The following ASTN2 variants were observed in gnomAD, a reference collection of about 807,000 sequenced individuals.
ASTN2 encodes astrotactin 2, also known as astrotactin-2.
ASTN2 carries 54 observed loss-of-function variants against 139.8 expected under a neutral mutation model. The observed-to-expected ratio is 0.39, with a 90% CI of 0.31 to 0.48. The LOEUF (loss-of-function observed/expected upper bound fraction) is 0.48, where lower values mean the gene tolerates loss of function less well. ASTN2 is among the 20% of genes least tolerant of loss of function. The probability of loss-of-function intolerance (pLI) is 0.95; values close to 1 mark genes in which losing one functional copy is unlikely to be tolerated. For synonymous variants in ASTN2, 756 were observed against 719.5 expected (o/e 1.05, Z -0.81); for missense variants, 1,565 against 1,725.1 (o/e 0.91, Z 1.64).
At chr9:116,832,564 T>C (rs546192835) in intron 11 of ASTN2, among the ~76,000 whole-genome samples, 49 of 152,178 alleles carry the variant, frequency 3.2e-4, no homozygotes, top group Non-Finnish European at 4.7e-4. Flanking sequence ...GTTTTAAAAA[T>C]CATTTTCGGT....
At chr9:116,609,326 C>CTA (rs549657082) in intron 19 of ASTN2, among the ~76,000 whole-genome samples, 2,135 of 113,520 alleles carry the variant, frequency 0.019, 41 homozygotes, top group African/African-American at 0.038. Flanking sequence ...CTCTCTCTCT[C>CTA]TCTATATATA....
Position 117,255,647 on chromosome 9 carries a change from T to A in ASTN2, c.630+35679A>T, listed in dbSNP as rs763709172. ...CCCCATCCCTCAAGAAACAGAATGG[T>A]GTGAGAAAAGTACAGAAAGAAGATT... On this transcript the variant is annotated intron_variant, in intron 2 of 22. Transcript: ENST00000313400. 9.0e-4 allele frequency among the ~76,000 whole-genome samples: 137 copies of A among 152,016 alleles called. 1 individual carries two copies. The highest frequency in any genetic ancestry group is 1.6e-3 in the Non-Finnish European group (107 of 68,004).
At chr9:116,456,090 G>A (rs908937201) in intron 20 of ASTN2, among the ~76,000 whole-genome samples, 3 of 152,038 alleles carry the variant, frequency 2.0e-5, no homozygotes, top group African/African-American at 7.2e-5. Context: ...CTTATTTGCA[G>A]ATGATATGAT....
intron 10 of ASTN2, among the ~76,000 whole-genome samples, chr9:116,884,803 G>GCCCTCCCCCC (rs1554756734): frequency 1.4e-4 from 10 of 69,640 alleles, no homozygotes; most frequent in Non-Finnish European, 2.1e-4. Flanking sequence ...CCAAATATCC[G>GCCCTCCCCCC]CCCCCCCCCC....
intron 1 of ASTN2, among the ~76,000 whole-genome samples, chr9:117,345,211 T>A (rs2130870775): frequency 6.6e-6 from 1 of 152,290 alleles, no homozygotes; most frequent in East Asian, 1.9e-4. Flanking sequence ...TGTTTTATTA[T>A]TTTACATTCA....
At chr9:117,070,039 T>A (rs1828070432) in intron 5 of ASTN2, among the ~76,000 whole-genome samples, 2 of 150,770 alleles carry the variant, frequency 1.3e-5, no homozygotes, top group Non-Finnish European at 2.9e-5. Flanking sequence ...TGTGTGAGTT[T>A]GATCCTGTCA....
At chr9:116,714,057 C>A (rs1828244725) in intron 16 of ASTN2, among the ~76,000 whole-genome samples, 1 of 152,226 alleles carries the variant, frequency 6.6e-6, no homozygotes, top group South Asian at 2.1e-4. Context: ...ATAATAGGAA[C>A]TCAACACATG....
chr9:116,432,355 A>C (rs1340791858), intron 22 of ASTN2, among the ~76,000 whole-genome samples: 2 of 152,176 alleles, frequency 1.3e-5, no homozygotes, highest in Admixed American at 6.5e-5. Context: ...TAGTGTGCAC[A>C]TATCTTGGGA....
At chr9:117,156,352 T>G in intron 3 of ASTN2, among the ~76,000 whole-genome samples, 1 of 152,090 alleles carries the variant, frequency 6.6e-6, no homozygotes, top group East Asian at 1.9e-4. Flanking sequence ...AAACTGATCC[T>G]GAGAGAGATT....
At chr9:117,295,153 C>G (rs1313711678) in intron 1 of ASTN2, among the ~76,000 whole-genome samples, 1 of 152,024 alleles carries the variant, frequency 6.6e-6, no homozygotes, top group Non-Finnish European at 1.5e-5. Context: ...GAAAGCCCAT[C>G]TCTACTAAAA....
intron 4 of ASTN2, among the ~76,000 whole-genome samples, chr9:117,099,497 T>C (rs1340480155): frequency 6.6e-6 from 1 of 152,096 alleles, no homozygotes; most frequent in Non-Finnish European, 1.5e-5. Context: ...ATAGACAGAG[T>C]GACAGAAAAG....
chr9:117,233,318 G>C (rs1832951257), intron 2 of ASTN2, among the ~76,000 whole-genome samples: 1 of 152,206 alleles, frequency 6.6e-6, no homozygotes, highest in Non-Finnish European at 1.5e-5. Flanking sequence ...CCAGGAACTG[G>C]CAACTTAATC....
At position 116,840,678 on chromosome 9, in the gene ASTN2, A is replaced by G. The variant is rs1173765806; in HGVS notation, c.2041-19895T>C. 3.0e-4 allele frequency among the ~76,000 whole-genome samples: 24 copies of G among 79,912 alleles called. 1 individual carries two copies. Among genetic ancestry groups the G allele is most frequent in the Admixed American group, 8.9e-4 (6 of 6,742 alleles). The allele number at this position is 79,912 out of a possible 152,430, so 52.4% of individuals were successfully genotyped here. A position where few individuals can be genotyped will look rare whatever the true frequency, so the allele number is the denominator to read the frequency against. ...TTCTCAGACGGGGCGGTTGCCAGGCAGAGGGTCTCCTCACTTCTCAGACGG... is the reference window on the plus strand; with the variant it reads ...TTCTCAGACGGGGCGGTTGCCAGGCGGAGGGTCTCCTCACTTCTCAGACGG... On this transcript the variant is annotated intron_variant, in intron 11 of 22. Transcript: ENST00000313400.
chr9:116,939,246 G>A (rs572436139), intron 10 of ASTN2, among the ~76,000 whole-genome samples: 78 of 152,242 alleles, frequency 5.1e-4, no homozygotes, highest in African/African-American at 1.8e-3. Context: ...ATAGTAGCTA[G>A]CTATTAGTAG....
At position 117,150,696 on chromosome 9, in the gene ASTN2, GT is replaced by G. The variant is rs1244654528; in HGVS notation, c.1016-9219del. Among the ~76,000 whole-genome samples, 4 of 152,148 alleles carry G rather than the reference GT, an allele frequency of 2.6e-5. No homozygotes were observed. The East Asian group carries it at 5.8e-4, about 22-fold the overall frequency. On this transcript the variant is annotated intron_variant, in intron 3 of 22. Transcript: ENST00000313400. Reference sequence around the variant, plus strand: ...TGCATATCAGAGTGTCTGATACAGAGTAAGCACATTTTTTAAGAGACAAGAC... The same window carrying G: ...TGCATATCAGAGTGTCTGATACAGAGAAGCACATTTTTTAAGAGACAAGAC...
intron 10 of ASTN2, among the ~76,000 whole-genome samples, chr9:116,890,487 A>T (rs1441226145): frequency 1.3e-5 from 2 of 152,142 alleles, no homozygotes; most frequent in Non-Finnish European, 2.9e-5. Flanking sequence ...CATGCACAAA[A>T]CCCAAGTGAA....
Position 116,424,730 on chromosome 9 carries a change from T to C in ASTN2, c.*1121A>G, listed in dbSNP as rs1847259731. Among the ~76,000 whole-genome samples, 1 of 151,966 alleles carries C rather than the reference T, an allele frequency of 6.6e-6. No homozygotes were observed. Among genetic ancestry groups the C allele is most frequent in the African/African-American group, 2.4e-5 (1 of 41,376 alleles). On this transcript the variant is annotated 3_prime_UTR_variant, in exon 23 of 23. Transcript: ENST00000313400. ...GTAGCTGGGATTGATTACAGGCACG[T>C]GCCACCATGCCCTGCTATTTTTTAT...
At chr9:117,277,550 T>C (rs552404776) in intron 2 of ASTN2, among the ~76,000 whole-genome samples, 1 of 152,280 alleles carries the variant, frequency 6.6e-6, no homozygotes, top group East Asian at 1.9e-4. Flanking sequence ...GGAACTACCA[T>C]ATGATCCAGA....
intron 20 of ASTN2, among the ~76,000 whole-genome samples, chr9:116,479,467 C>T (rs1177525881): frequency 1.4e-5 from 1 of 70,564 alleles, no homozygotes; most frequent in Non-Finnish European, 4.2e-5. Context: ...CCATCCAAGG[C>T]TCTCAGCCCC....
Sources: gnomAD v4.1 joint callset for allele counts (sites outside exome capture counted in the v4.1 genomes callset) on GRCh38, gnomAD v4.1.1 for gene constraint, MANE v1.5 for transcripts, NCBI Gene and HGNC (gene_info 2026-07-23, HGNC 2026-07-21) for gene names.